TCTN3: variants seen among roughly 807,000 people sequenced by gnomAD.
TCTN3 encodes tectonic family member 3.
Under a neutral mutation model 71.3 loss-of-function variants are expected in TCTN3, and 57 were observed. The ratio of observed to expected loss-of-function variants is 0.80; its 90% CI spans 0.65 to 1.00. TCTN3 has a LOEUF of 1.00. Among genes scored for constraint, TCTN3 ranks in the 50% least tolerant of loss-of-function variants. The pLI, the probability that TCTN3 is intolerant of heterozygous loss-of-function variation, is 0.00. For missense variants in TCTN3, 696 were observed against 719.9 expected, an observed-to-expected ratio of 0.97 and a Z score of 0.38; for synonymous variants, 258 against 267.8, an observed-to-expected ratio of 0.96 and a Z score of 0.36.
chr10:95,693,699 G>A lies in TCTN3; in HGVS notation c.201C>T (p.Val67=), dbSNP rs2097955925. The A allele has an allele frequency of 2.6e-6, 4 of 1,551,602 alleles. No individual in the cohort carries two copies. Among genetic ancestry groups the A allele is most frequent in the African/African-American group, 1.4e-5 (1 of 73,040 alleles). ...GGGCCGAGGGAGTCACGAGAGTAGG[G>A]ACCACTGTAGGGAGTCCAGGCACGG... ...RPAVPGLPTV[V]PTLVTPSAPG... Residue 67 remains valine, a synonymous_variant, in exon 1 of 14, where the codon GTC becomes GTT. Transcript: ENST00000371217.
At chr10:95,693,516 C>A in intron 1 of TCTN3, 40 bp from the exon 2 acceptor site, 2 of 1,551,662 alleles carry the variant, frequency 1.3e-6, no homozygotes, top group East Asian at 2.4e-5. Context: ...ATGAAGATCC[C>A]CAAACTCTCC....
intron 13 of TCTN3, among the ~76,000 whole-genome samples, chr10:95,670,605 C>A (rs954251226): frequency 5.9e-5 from 9 of 151,906 alleles, no homozygotes; most frequent in Non-Finnish European, 1.3e-4. Flanking sequence ...TGGACTCAGG[C>A]AATCCATCCG....
intron 3 of TCTN3, 112 bp from the exon 4 acceptor site, chr10:95,687,831 T>G: frequency 7.9e-7 from 1 of 1,270,490 alleles, no homozygotes; most frequent in East Asian, 2.5e-5. Flanking sequence ...AAATCTTAAG[T>G]GTAAACTCAA....
intron 3 of TCTN3, among the ~76,000 whole-genome samples, chr10:95,691,675 C>A (rs1417447526): frequency 6.6e-6 from 1 of 152,138 alleles, no homozygotes; most frequent in African/African-American, 2.4e-5. Flanking sequence ...CCATTTTGTG[C>A]AGGAACATTA....
At chr10:95,678,826 G>A (rs2097940011) in intron 13 of TCTN3, among the ~76,000 whole-genome samples, 1 of 152,076 alleles carries the variant, frequency 6.6e-6, no homozygotes, top group South Asian at 2.1e-4. Context: ...TAAGATATAA[G>A]TATCATTTTA....
At chr10:95,681,201 C>T (rs2097942652) in intron 12 of TCTN3, among the ~76,000 whole-genome samples, 1 of 151,804 alleles carries the variant, frequency 6.6e-6, no homozygotes. Flanking sequence ...TCAGCCTCCC[C>T]AGTAGCTGGG....
At chr10:95,667,932 A>G (rs2097927195) in intron 13 of TCTN3, among the ~76,000 whole-genome samples, 1 of 152,216 alleles carries the variant, frequency 6.6e-6, no homozygotes, top group Admixed American at 6.5e-5. Flanking sequence ...AAACATGCGG[A>G]AAGTTTCTCA....
intron 10 of TCTN3, 87 bp from the exon 11 acceptor site, chr10:95,683,282 A>G: frequency 6.6e-7 from 1 of 1,521,768 alleles, no homozygotes; most frequent in Non-Finnish European, 8.9e-7. Context: ...ATTCTCCTTT[A>G]ATGCTATTTA....
intron 3 of TCTN3, 124 bp from the exon 4 acceptor site, chr10:95,687,843 G>T: frequency 8.7e-7 from 1 of 1,143,400 alleles, no homozygotes; most frequent in South Asian, 1.7e-5. Context: ...TAAACTCAAA[G>T]AATTTTTACA....
chr10:95,686,296 C>A (rs1045617329), intron 7 of TCTN3, among the ~76,000 whole-genome samples, 199 bp downstream of exon 7: 1 of 152,224 alleles, frequency 6.6e-6, no homozygotes, highest in Non-Finnish European at 1.5e-5. Flanking sequence ...TTATCTAACA[C>A]CTTATGGATC....
At chr10:95,666,533 G>A (rs1366430957) in intron 13 of TCTN3, among the ~76,000 whole-genome samples, 1 of 152,184 alleles carries the variant, frequency 6.6e-6, no homozygotes, top group Non-Finnish European at 1.5e-5. Context: ...TTTATAATGG[G>A]GAGAGGACAT....
chr10:95,680,743 A>G lies in TCTN3; in HGVS notation c.1453-134T>C, dbSNP rs529707697. 46 of 1,038,254 alleles carry G rather than the reference A, an allele frequency of 4.4e-5. No individual in the cohort carries two copies. In the African/African-American group the frequency reaches 6.8e-4, roughly 15 times the overall value. 64.3% of individuals were successfully genotyped at this position (1,038,254 alleles called of 1,614,324 possible). A position where few individuals can be genotyped will look rare whatever the true frequency, so the allele number is the denominator to read the frequency against. On this transcript the variant is annotated intron_variant, in intron 12 of 13. Transcript: ENST00000371217. ...CAATGTAGCTTAGTGGAAGAACACA[A>G]AAGTTCACAATAAGACTATGTTATT... is the stretch of plus-strand genomic sequence containing the variant.
chr10:95,667,283 C>G (rs1053619429), intron 13 of TCTN3, among the ~76,000 whole-genome samples: 1 of 152,164 alleles, frequency 6.6e-6, no homozygotes, highest in African/African-American at 2.4e-5. Flanking sequence ...TCTTCTCCCT[C>G]TATATCTTAA....
rs566594482 is a variant in TCTN3 at position 95,691,444 on chromosome 10, C to T, written c.499+1476G>A. 3.3e-5 allele frequency among the ~76,000 whole-genome samples: 5 copies of T among 152,266 alleles called. No homozygotes were observed. The South Asian group carries it at 6.2e-4, about 19-fold the overall frequency. ...CTAAGATTACAGGAGTGAGCCACCG[C>T]GTCAGGCCACAACCTTATCTGAAAA... On this transcript the variant is annotated intron_variant, in intron 3 of 13. Coordinates refer to ENST00000371217, the MANE Select transcript of TCTN3 (RefSeq NM_015631.6).
chr10:95,692,598 A>T (rs577500641), intron 3 of TCTN3, among the ~76,000 whole-genome samples: 2 of 152,080 alleles, frequency 1.3e-5, no homozygotes, highest in East Asian at 1.9e-4. Flanking sequence ...AAAAAAGTTT[A>T]AAAAAAAGAA....
chr10:95,686,908 C>T, intron 6 of TCTN3, 136 bp downstream of exon 6: 2 of 700,688 alleles, frequency 2.9e-6, no homozygotes, highest in Non-Finnish European at 2.4e-6. Context: ...ATGTGGTTTC[C>T]AGGCCCTCTG....
intron 13 of TCTN3, among the ~76,000 whole-genome samples, chr10:95,677,489 T>TTTTTTTTTTG (rs2097938513): frequency 1.5e-5 from 2 of 130,878 alleles, no homozygotes; most frequent in Non-Finnish European, 1.7e-5. Flanking sequence ...TTTTGTTTTT[T>TTTTTTTTTTG]TTTTTTTTTT....
Position 95,693,742 on chromosome 10 carries a change from G to T in TCTN3, c.158C>A (p.Ala53Glu), listed in dbSNP as rs1384430338. ...AGGCACGGCCGGGCGAGTTGCAGTC[G>T]CCTCTGAAGGGGACTGGAGGGTTCC... is the stretch of plus-strand genomic sequence containing the variant. ...DGGTLQSPSE[A>E]TATRPAVPGL... The change falls in exon 1 of 14, where the codon GCG becomes GAG. Residue 53 changes from alanine (A) to glutamate (E), a missense_variant. Coordinates refer to ENST00000371217, the MANE Select transcript of TCTN3 (RefSeq NM_015631.6). The T allele has an allele frequency of 6.4e-7, 1 of 1,551,548 alleles. No homozygotes were observed. Among genetic ancestry groups the T allele is most frequent in the Non-Finnish European group, 8.7e-7 (1 of 1,146,996 alleles).
chr10:95,689,527 A>C (rs1393011040), intron 3 of TCTN3, among the ~76,000 whole-genome samples: 1 of 152,230 alleles, frequency 6.6e-6, no homozygotes, highest in Non-Finnish European at 1.5e-5. Context: ...ACATGAAATA[A>C]AAGTTAAAGT....
Sources: gnomAD v4.1 joint callset for allele counts (sites outside exome capture counted in the v4.1 genomes callset) on GRCh38, gnomAD v4.1.1 for gene constraint, MANE v1.5 for transcripts, NCBI Gene and HGNC (gene_info 2026-07-23, HGNC 2026-07-21) for gene names.